COL13A1: variants seen among roughly 807,000 people sequenced by gnomAD.
COL13A1 encodes collagen type XIII alpha 1 chain.
COL13A1 carries 89 observed loss-of-function variants against 130.9 expected under a neutral mutation model. The observed-to-expected ratio is 0.68, with a 90% CI of 0.57 to 0.81. The LOEUF is 0.81. Ranked by LOEUF, COL13A1 falls within the 30% of genes least tolerant of loss-of-function variation. The probability of loss-of-function intolerance (pLI) is 0.00; values close to 1 mark genes in which losing one functional copy is unlikely to be tolerated. For synonymous variants in COL13A1, 402 were observed against 341.6 expected (o/e 1.18, Z -1.95); for missense variants, 879 against 934.6 (o/e 0.94, Z 0.78).
intron 38 of COL13A1, among the ~76,000 whole-genome samples, chr10:69,948,476 A>G (rs2068893794): frequency 6.6e-6 from 1 of 152,308 alleles, no homozygotes; most frequent in Non-Finnish European, 1.5e-5. Context: ...ACCCCTGCCC[A>G]TGGCAAGACC....
chr10:69,851,120 A>G (rs918361482), intron 2 of COL13A1, among the ~76,000 whole-genome samples: 3 of 152,240 alleles, frequency 2.0e-5, no homozygotes, highest in Non-Finnish European at 2.9e-5. Context: ...ACCCCTCAGG[A>G]GAATCGAGGT....
intron 35 of COL13A1, among the ~76,000 whole-genome samples, chr10:69,941,274 G>A (rs1290041100): frequency 6.6e-6 from 1 of 152,162 alleles, no homozygotes; most frequent in African/African-American, 2.4e-5. Flanking sequence ...GGTGTGGGGT[G>A]GGAGGCCACT....
chr10:69,922,810 A>T lies in COL13A1; in HGVS notation c.1230+16A>T. 1 of 1,546,248 alleles carries T rather than the reference A, an allele frequency of 6.5e-7. No homozygotes were observed. The highest frequency in any genetic ancestry group is 8.8e-7 in the Non-Finnish European group (1 of 1,142,434). ...AGGGCCAAAGGTGAGTGTTCCCTGGAATTGGTGTTGGGGAGGTGCTTACCT... is the reference window on the plus strand; with the variant it reads ...AGGGCCAAAGGTGAGTGTTCCCTGGTATTGGTGTTGGGGAGGTGCTTACCT... On this transcript the variant is annotated intron_variant, in intron 23 of 40. Coordinates refer to ENST00000645393, the MANE Select transcript of COL13A1 (RefSeq NM_001368882.1).
At position 69,881,973 on chromosome 10, in the gene COL13A1, C is replaced by T. The variant is rs116577244; in HGVS notation, c.513+1420C>T. On this transcript the variant is annotated intron_variant, in intron 7 of 40. Transcript: ENST00000645393. ...TTCTGGTTCCTGCTGCAGTCATAGACGGGCCAGGCCTGATGTCACTGTCGC... is the reference window on the plus strand; with the variant it reads ...TTCTGGTTCCTGCTGCAGTCATAGATGGGCCAGGCCTGATGTCACTGTCGC... 3.4e-3 allele frequency among the ~76,000 whole-genome samples: 525 copies of T among 152,336 alleles called. 1 individual carries two copies. The highest frequency in any genetic ancestry group is 0.017 in the Middle Eastern group (5 of 294).
intron 4 of COL13A1, 64 bp from the exon 5 acceptor site, chr10:69,875,064 G>A (rs1199617343): frequency 6.2e-7 from 1 of 1,608,080 alleles, no homozygotes; most frequent in African/African-American, 1.3e-5. Flanking sequence ...TTTGCCTATA[G>A]GGTCCTTCAC....
At chr10:69,957,087 T>C (rs1271752324) in intron 40 of COL13A1, 45 bp downstream of exon 40, 1 of 1,539,464 alleles carries the variant, frequency 6.5e-7, no homozygotes, top group Admixed American at 1.7e-5. Context: ...TTCTCAGCAG[T>C]GCCATAAAGC....
intron 39 of COL13A1, 62 bp from the exon 40 acceptor site, chr10:69,956,942 C>G (rs957713255): frequency 1.8e-5 from 25 of 1,394,150 alleles, no homozygotes; most frequent in African/African-American, 2.8e-5. Flanking sequence ...TTACCCCTGT[C>G]CTGCCCACTT....
chr10:69,824,393 G>A (rs12777790), intron 2 of COL13A1, among the ~76,000 whole-genome samples: 12,342 of 152,330 alleles, frequency 0.081, 722 homozygotes, highest in Non-Finnish European at 0.12. Flanking sequence ...CACATCAGTT[G>A]TCTGATGGCC....
intron 2 of COL13A1, among the ~76,000 whole-genome samples, chr10:69,853,923 T>C (rs1855688768): frequency 6.6e-6 from 1 of 152,246 alleles, no homozygotes; most frequent in Admixed American, 6.5e-5. Flanking sequence ...TTATGGATGA[T>C]GGCTTTTCTT....
At chr10:69,926,143 G>A (rs2065322354) in intron 26 of COL13A1, among the ~76,000 whole-genome samples, 1 of 152,266 alleles carries the variant, frequency 6.6e-6, no homozygotes. Flanking sequence ...GCCCCTGAGT[G>A]CCATAGTGGA....
intron 2 of COL13A1, chr10:69,824,236 A>G: frequency 2.2e-6 from 1 of 445,598 alleles, no homozygotes; most frequent in South Asian, 1.7e-5. Context: ...ATTCCTAGTA[A>G]GCATGATTAT....
At position 69,881,612 on chromosome 10, in the gene COL13A1, AG is replaced by A. The variant is rs1381864669; in HGVS notation, c.513+1061del. 2.6e-5 allele frequency among the ~76,000 whole-genome samples: 4 copies of A among 152,344 alleles called. 1 individual carries two copies. The East Asian group carries it at 7.7e-4, about 29-fold the overall frequency. ...GAAGGAGAGCAGGGGCAGGAGAGCC[AG>A]GCTGGCAGACATGTCAGGGGCTGGG... On this transcript the variant is annotated intron_variant, in intron 7 of 40. Coordinates refer to ENST00000645393, the MANE Select transcript of COL13A1 (RefSeq NM_001368882.1).
chr10:69,836,284 C>T (rs7079962), intron 2 of COL13A1, among the ~76,000 whole-genome samples: 67,850 of 152,104 alleles, frequency 0.45, 15,549 homozygotes, highest in African/African-American at 0.55. Flanking sequence ...GCTACAGTCC[C>T]AGGGCCGCAT....
rs748575426 is a variant in COL13A1 at position 69,932,557 on chromosome 10, C to T, written c.1684-3C>T. ...TTCATGCAGTGGTGTTTTGTGCCCA[C>T]AGGGAGAGAAAGGAGAAGCCGGGGA... On this transcript the variant is annotated splice_region_variant and splice_polypyrimidine_tract_variant and intron_variant, in intron 30 of 40. Coordinates refer to ENST00000645393, the MANE Select transcript of COL13A1 (RefSeq NM_001368882.1). 1 of 1,610,220 alleles carries T rather than the reference C, an allele frequency of 6.2e-7. No homozygotes were observed. The highest frequency in any genetic ancestry group is 1.3e-5 in the African/African-American group (1 of 74,810).
intron 2 of COL13A1, among the ~76,000 whole-genome samples, chr10:69,846,551 TC>T (rs1424919601): frequency 6.6e-6 from 1 of 152,022 alleles, no homozygotes; most frequent in Admixed American, 6.5e-5. Context: ...TCTGCTTTCT[TC>T]CCCCACCCTG....
intron 38 of COL13A1, among the ~76,000 whole-genome samples, chr10:69,947,672 G>T (rs1269299791): frequency 6.6e-6 from 1 of 152,146 alleles, no homozygotes; most frequent in South Asian, 2.1e-4. Flanking sequence ...GATCATTTTA[G>T]ATCCATTGCT....
chr10:69,836,405 G>A (rs1265908457), intron 2 of COL13A1, among the ~76,000 whole-genome samples: 1 of 152,218 alleles, frequency 6.6e-6, no homozygotes, highest in African/African-American at 2.4e-5. Context: ...ATTTGGCCCT[G>A]AGACATCAGA....
intron 2 of COL13A1, among the ~76,000 whole-genome samples, chr10:69,848,553 G>A (rs1034879668): frequency 3.3e-5 from 5 of 152,112 alleles, no homozygotes; most frequent in Non-Finnish European, 7.4e-5. Context: ...GAAAACCTTC[G>A]ATACAGAAGA....
At chr10:69,936,178 A>AAGGAAGGAAGGAAGGAAGGAAGG (rs201007973) in intron 32 of COL13A1, among the ~76,000 whole-genome samples, 1 of 7,316 alleles carries the variant, frequency 1.4e-4, no homozygotes, top group Non-Finnish European at 2.9e-4. Flanking sequence ...GGAAGGAAGG[A>AAGGAAGGAAGGAAGGAAGGAAGG]AAGGAAAGGA....
Sources: gnomAD v4.1 joint callset for allele counts (sites outside exome capture counted in the v4.1 genomes callset) on GRCh38, gnomAD v4.1.1 for gene constraint, MANE v1.5 for transcripts, NCBI Gene and HGNC (gene_info 2026-07-23, HGNC 2026-07-21) for gene names.